The following TNF variants were observed in gnomAD, a reference collection of about 807,000 sequenced individuals.
TNF encodes APC1 protein.
In TNF, 7 loss-of-function variants were observed where a neutral mutation model predicts 21.8. The ratio of observed to expected loss-of-function variants is 0.32; its 90% CI spans 0.18 to 0.60. The LOEUF is 0.60. Among genes scored for constraint, TNF ranks in the 20% least tolerant of loss-of-function variants. The pLI is 0.84. For missense variants in TNF, 216 were observed against 296.6 expected, an observed-to-expected ratio of 0.73 and a Z score of 2.00; for synonymous variants, 123 against 130.2, an observed-to-expected ratio of 0.94 and a Z score of 0.38.
Position 31,575,629 on chromosome 6 carries a change from C to A in TNF, c.-113C>A. The A allele has an allele frequency of 1.0e-6, 1 of 979,684 alleles. No homozygotes were observed. Among genetic ancestry groups the A allele is most frequent in the Non-Finnish European group, 1.5e-6 (1 of 675,642 alleles). The allele number at this position is 979,684 out of a possible 1,614,324, so 60.7% of individuals were successfully genotyped here. On this transcript the variant is annotated 5_prime_UTR_variant, in exon 1 of 4. Transcript: ENST00000449264. The surrounding 1 kb of genome is among the most constrained non-coding windows in gnomAD (Gnocchi z 6.2). ...AAGAGGGAGAGAAGCAACTACAGAC[C>A]CCCCCTGAAAACAACCCTCAGACGC...
At position 31,578,114 on chromosome 6, in the gene TNF, G is replaced by C. The variant is rs951641470; in HGVS notation, c.*577G>C. On this transcript the variant is annotated 3_prime_UTR_variant, in exon 4 of 4. Transcript: ENST00000449264. This position sits in a 1 kb window ranked among gnomAD's most constrained non-coding sequence, Gnocchi z 6.0. The stretch of plus-strand genomic sequence containing the variant: ...CTGCCTTGGCTCAGACATGTTTTCC[G>C]TGAAAACGGAGCTGAACAATAGGCT... The C allele has an allele frequency of 1.3e-5, 2 of 152,294 alleles. No individual in the cohort carries two copies. Among genetic ancestry groups the C allele is most frequent in the Non-Finnish European group, 2.9e-5 (2 of 68,100 alleles). 9.4% of individuals were successfully genotyped at this position (152,294 alleles called of 1,614,324 possible). A position where few individuals can be genotyped will look rare whatever the true frequency, so the allele number is the denominator to read the frequency against.
rs1207118863 is a variant in TNF, at chr6:31,577,762, C to T, written c.*225C>T. On this transcript the variant is annotated 3_prime_UTR_variant, in exon 4 of 4. Coordinates refer to ENST00000449264, the MANE Select transcript of TNF (RefSeq NM_000594.4). This position sits in a 1 kb window ranked among gnomAD's most constrained non-coding sequence, Gnocchi z 7.7. ...TGCTGGCAACCACTAAGAATTCAAA[C>T]TGGGGCCTCCAGAACTCACTGGGGC... 2 of 629,226 alleles carry T rather than the reference C, an allele frequency of 3.2e-6. No homozygotes were observed. Among genetic ancestry groups the T allele is most frequent in the East Asian group, 5.5e-5 (2 of 36,302 alleles). 39.0% of individuals were successfully genotyped at this position (629,226 alleles called of 1,614,324 possible). A position where few individuals can be genotyped will look rare whatever the true frequency, so the allele number is the denominator to read the frequency against.
rs967768426 is a variant in TNF, at chr6:31,577,999, ATTAT to A, written c.*468_*471del. 4 of 153,812 alleles carry A rather than the reference ATTAT, an allele frequency of 2.6e-5. No homozygotes were observed. Among genetic ancestry groups the A allele is most frequent in the African/African-American group, 7.2e-5 (3 of 41,460 alleles). The allele number at this position is 153,812 out of a possible 1,614,324, so 9.5% of individuals were successfully genotyped here. ...CCCTCTATTTATGTTTGCACTTGTGATTATTTATTATTTATTTATTATTTATTTA... is the reference window on the plus strand; with the variant it reads ...CCCTCTATTTATGTTTGCACTTGTGATTATTATTTATTTATTATTTATTTA... On this transcript the variant is annotated 3_prime_UTR_variant, in exon 4 of 4. Transcript: ENST00000449264. This position sits in a 1 kb window ranked among gnomAD's most constrained non-coding sequence, Gnocchi z 7.7.
In TNF at chr6:31,577,648, T is replaced by G; in HGVS notation, c.*111T>G. 2 of 1,392,842 alleles carry G rather than the reference T, an allele frequency of 1.4e-6. No homozygotes were observed. The highest frequency in any genetic ancestry group is 2.0e-6 in the Non-Finnish European group (2 of 1,003,594). 86.3% of individuals were successfully genotyped at this position (1,392,842 alleles called of 1,614,324 possible). ...TGGCTCAAAAAGAGAATTGGGGGCT[T>G]AGGGTCGGAACCCAAGCTTAGAACT... On this transcript the variant is annotated 3_prime_UTR_variant, in exon 4 of 4. Transcript: ENST00000449264. The surrounding 1 kb of genome is among the most constrained non-coding windows in gnomAD (Gnocchi z 7.7).
chr6:31,577,116 C>A lies in TNF; in HGVS notation c.281C>A (p.Ala94Glu). The change falls in exon 4 of 4, where the codon GCA becomes GAA. Residue 94 changes from alanine to glutamate, a missense_variant and splice_region_variant. Physicochemically the swap from Ala to Glu is moderately radical, Grantham distance 107. Around this residue, in one of 2 missense-constraint regions of TNF, gnomAD observed 118 missense variants for 127.1 expected, o/e 0.93. Transcript: ENST00000449264. The surrounding 1 kb of genome is among the most constrained non-coding windows in gnomAD (Gnocchi z 7.7). ...PSDKPVAHVV[A>E]NPQAEGQLQW... ...CCTCTCCCTCTCTCCCTCCCTCCAG[C>A]AAACCCTCAAGCTGAGGGGCAGCTC... The A allele has an allele frequency of 1.2e-6, 2 of 1,601,086 alleles. No individual in the cohort carries two copies. Among genetic ancestry groups the A allele is most frequent in the Non-Finnish European group, 8.5e-7 (1 of 1,173,680 alleles).
intron 3 of TNF, 50 bp downstream of exon 3, chr6:31,576,864 G>A (rs764984097): frequency 1.9e-6 from 3 of 1,601,590 alleles, no homozygotes; most frequent in Non-Finnish European, 2.6e-6. Context: ...AGGATTTGGG[G>A]ATTGAAGCCC....
chr6:31,576,214 T>C (rs953460562), intron 1 of TNF, among the ~76,000 whole-genome samples: 3 of 151,676 alleles, frequency 2.0e-5, no homozygotes, highest in African/African-American at 7.3e-5. Context: ...AAATAAGATA[T>C]GGAGACAGAT....
At position 31,577,598 on chromosome 6, in the gene TNF, T is replaced by C; in HGVS notation, c.*61T>C. The C allele has an allele frequency of 6.3e-7, 1 of 1,593,300 alleles. No homozygotes were observed. The highest frequency in any genetic ancestry group is 8.6e-7 in the Non-Finnish European group (1 of 1,164,602). On this transcript the variant is annotated 3_prime_UTR_variant, in exon 4 of 4. Coordinates refer to ENST00000449264, the MANE Select transcript of TNF (RefSeq NM_000594.4). The surrounding 1 kb of genome is among the most constrained non-coding windows in gnomAD (Gnocchi z 7.7). ...CTGCCCCAATCCCTTTATTACCCCCTCCTTCAGACACCCTCAACCTCTTCT... is the reference window on the plus strand; with the variant it reads ...CTGCCCCAATCCCTTTATTACCCCCCCCTTCAGACACCCTCAACCTCTTCT...
In TNF at chr6:31,575,972, AAT is replaced by A; in HGVS notation, c.186+46_186+47del. The A allele has an allele frequency of 6.9e-7, 1 of 1,442,376 alleles. No individual in the cohort carries two copies. Among genetic ancestry groups the A allele is most frequent in the Admixed American group, 2.5e-5 (1 of 40,028 alleles). 89.3% of individuals were successfully genotyped at this position (1,442,376 alleles called of 1,614,324 possible). A position where few individuals can be genotyped will look rare whatever the true frequency, so the allele number is the denominator to read the frequency against. ...TCATCCACTCTCCCACCCAAGGGGA[AAT>A]GGAGACGCAAGAGAGGGAGAGAGAT... On this transcript the variant is annotated intron_variant, in intron 1 of 3. Transcript: ENST00000449264. This position sits in a 1 kb window ranked among gnomAD's most constrained non-coding sequence, Gnocchi z 6.2.
Position 31,575,747 on chromosome 6 carries a change from C to A in TNF, c.6C>A (p.Ser2Arg). The change falls in exon 1 of 4, where the codon AGC becomes AGA. Residue 2 changes from serine (S) to arginine (R), a missense_variant. By Grantham distance (110) the Ser-to-Arg change is moderately radical. Coordinates refer to ENST00000449264, the MANE Select transcript of TNF (RefSeq NM_000594.4). The surrounding 1 kb of genome is among the most constrained non-coding windows in gnomAD (Gnocchi z 6.2). Reference sequence around the variant, plus strand: ...TCTCCCCTGGAAAGGACACCATGAGCACTGAAAGCATGATCCGGGACGTGG... The same window carrying A: ...TCTCCCCTGGAAAGGACACCATGAGAACTGAAAGCATGATCCGGGACGTGG... M[S>R]TESMIRDVEL... is the part of the protein sequence containing the mutation. The A allele has an allele frequency of 1.3e-6, 2 of 1,589,034 alleles. No homozygotes were observed. Among genetic ancestry groups the A allele is most frequent in the Non-Finnish European group, 1.7e-6 (2 of 1,167,936 alleles).
chr6:31,575,855 C>T lies in TNF; in HGVS notation c.114C>T (p.Phe38=). 6.2e-7 allele frequency: 1 copy of T among 1,611,982 alleles called. No individual in the cohort carries two copies. Among genetic ancestry groups the T allele is most frequent in the Non-Finnish European group, 8.5e-7 (1 of 1,178,970 alleles). Residue 38 remains phenylalanine (F), a synonymous_variant, in exon 1 of 4, where the codon TTC becomes TTT. Coordinates refer to ENST00000449264, the MANE Select transcript of TNF (RefSeq NM_000594.4). The surrounding 1 kb of genome is among the most constrained non-coding windows in gnomAD (Gnocchi z 6.2). Reference sequence around the variant, plus strand: ...GCTTGTTCCTCAGCCTCTTCTCCTTCCTGATCGTGGCAGGCGCCACCACGC... The same window carrying T: ...GCTTGTTCCTCAGCCTCTTCTCCTTTCTGATCGTGGCAGGCGCCACCACGC... ...RRCLFLSLFS[F]LIVAGATTLF... is the part of the protein sequence containing the mutation.
In TNF at chr6:31,577,327, G is replaced by A. The variant is rs1304232207; in HGVS notation, c.492G>A (p.Gln164=). The change falls in exon 4 of 4, where the codon CAG becomes CAA. Residue 164 remains glutamine (Q), a synonymous_variant. Transcript: ENST00000449264. This position sits in a 1 kb window ranked among gnomAD's most constrained non-coding sequence, Gnocchi z 7.7. ...TCAGCCGCATCGCCGTCTCCTACCA[G>A]ACCAAGGTCAACCTCCTCTCTGCCA... ...HTISRIAVSY[Q]TKVNLLSAIK... 1.2e-6 allele frequency: 2 copies of A among 1,613,186 alleles called. No homozygotes were observed.
chr6:31,577,234 C>T lies in TNF; in HGVS notation c.399C>T (p.Leu133=), dbSNP rs777187968. The change falls in exon 4 of 4, where the codon CTC becomes CTT. Residue 133 remains leucine (L), a synonymous_variant. Transcript: ENST00000449264. This position sits in a 1 kb window ranked among gnomAD's most constrained non-coding sequence, Gnocchi z 7.7. Reference sequence around the variant, plus strand: ...TGGTGCCATCAGAGGGCCTGTACCTCATCTACTCCCAGGTCCTCTTCAAGG... The same window carrying T: ...TGGTGCCATCAGAGGGCCTGTACCTTATCTACTCCCAGGTCCTCTTCAAGG... The part of the protein sequence containing the change: ...QLVVPSEGLY[L]IYSQVLFKGQ... The T allele has an allele frequency of 3.7e-6, 6 of 1,613,150 alleles. No individual in the cohort carries two copies. Among genetic ancestry groups the T allele is most frequent in the African/African-American group, 1.3e-5 (1 of 75,062 alleles).
chr6:31,576,736 C>G, intron 2 of TNF, 31 bp from the exon 3 acceptor site: 11 of 1,612,986 alleles, frequency 6.8e-6, no homozygotes, highest in Non-Finnish European at 9.3e-6. Context: ...GTTTAAGGGT[C>G]TCAGCTTTTT....
In TNF at chr6:31,577,447, G is replaced by A. The variant is rs1771239867; in HGVS notation, c.612G>A (p.Lys204=). The A allele has an allele frequency of 1.2e-6, 2 of 1,613,122 alleles. No homozygotes were observed. Among genetic ancestry groups the A allele is most frequent in the African/African-American group, 1.3e-5 (1 of 75,066 alleles). Reference sequence around the variant, plus strand: ...TGGGAGGGGTCTTCCAGCTGGAGAAGGGTGACCGACTCAGCGCTGAGATCA... The same window carrying A: ...TGGGAGGGGTCTTCCAGCTGGAGAAAGGTGACCGACTCAGCGCTGAGATCA... ...IYLGGVFQLE[K]GDRLSAEINR... is the part of the protein sequence containing the mutation. Residue 204 remains lysine, a synonymous_variant, in exon 4 of 4, where the codon AAG becomes AAA. Coordinates refer to ENST00000449264, the MANE Select transcript of TNF (RefSeq NM_000594.4). This position sits in a 1 kb window ranked among gnomAD's most constrained non-coding sequence, Gnocchi z 7.7.
chr6:31,576,477 T>C (rs1771185912), intron 1 of TNF, 57 bp from the exon 2 acceptor site: 2 of 1,573,540 alleles, frequency 1.3e-6, no homozygotes, highest in African/African-American at 2.7e-5. Context: ...GGCAGCCAGC[T>C]GTTCCTCCTT....
In TNF at chr6:31,576,725, A is replaced by T. The variant is rs750865758; in HGVS notation, c.233-42A>T. 5 of 1,611,578 alleles carry T rather than the reference A, an allele frequency of 3.1e-6. No homozygotes were observed. The African/African-American group carries it at 6.7e-5, about 22-fold the overall frequency. ...GAAAGTAGGGGGGTATTTTCTAGGA[A>T]GTTTAAGGGTCTCAGCTTTTTCTTT... On this transcript the variant is annotated intron_variant, in intron 2 of 3. Coordinates refer to ENST00000449264, the MANE Select transcript of TNF (RefSeq NM_000594.4).
chr6:31,576,062 G>A (rs376227512), intron 1 of TNF, 135 bp downstream of exon 1: 41 of 910,720 alleles, frequency 4.5e-5, no homozygotes, highest in African/African-American at 2.6e-4. Context: ...GGAGAAAGAC[G>A]GGGATGCAGA....
At position 31,577,387 on chromosome 6, in the gene TNF, G is replaced by C; in HGVS notation, c.552G>C (p.Gly184=). 5 of 1,613,154 alleles carry C rather than the reference G, an allele frequency of 3.1e-6. No homozygotes were observed. In the Middle Eastern group the frequency reaches 8.2e-4, roughly 266 times the overall value. ...KSPCQRETPE[G]AEAKPWYEPI... ...CCTGCCAGAGGGAGACCCCAGAGGG[G>C]GCTGAGGCCAAGCCCTGGTATGAGC... Residue 184 remains glycine (G), a synonymous_variant, in exon 4 of 4, where the codon GGG becomes GGC. Transcript: ENST00000449264. This position sits in a 1 kb window ranked among gnomAD's most constrained non-coding sequence, Gnocchi z 7.7.
Sources: allele counts gnomAD v4.1 joint callset (sites outside exome capture counted in the v4.1 genomes callset), GRCh38; gene constraint gnomAD v4.1.1; regional missense constraint gnomAD v4.1.1; non-coding constraint Gnocchi (gnomAD v3.1); transcripts MANE v1.5; gene names NCBI Gene and HGNC (gene_info 2026-07-23, HGNC 2026-07-21).